COL28A1: variants seen among roughly 807,000 people sequenced by gnomAD.
COL28A1 encodes the protein collagen alpha-1(XXVIII) chain.
Under a neutral mutation model 150.2 loss-of-function variants are expected in COL28A1, and 161 were observed. That is an observed-to-expected ratio of 1.07 (90% CI 0.94 to 1.22). The LOEUF is 1.22. Among genes scored for constraint, COL28A1 ranks in the 50% most tolerant of loss-of-function variants. The probability of loss-of-function intolerance (pLI) is 0.00; values close to 1 mark genes in which losing one functional copy is unlikely to be tolerated. For synonymous variants in COL28A1, 552 were observed against 469.7 expected (o/e 1.18, Z -2.26); for missense variants, 1,617 against 1,388.3 (o/e 1.16, Z -2.62).
intron 14 of COL28A1, among the ~76,000 whole-genome samples, chr7:7,476,589 T>C (rs181870742): frequency 6.6e-6 from 1 of 152,238 alleles, no homozygotes; most frequent in South Asian, 2.1e-4. Context: ...CAACCTTTGG[T>C]GCAGAACAAC....
chr7:7,455,710 A>G (rs997671376), intron 16 of COL28A1, among the ~76,000 whole-genome samples: 1 of 152,238 alleles, frequency 6.6e-6, no homozygotes, highest in Admixed American at 6.5e-5. Flanking sequence ...TCAAGGAGAA[A>G]AAAATACACA....
At chr7:7,444,570 T>C (rs977598801) in intron 18 of COL28A1, 81 bp from the exon 19 acceptor site, 1 of 1,383,624 alleles carries the variant, frequency 7.2e-7, no homozygotes, top group East Asian at 2.3e-5. Flanking sequence ...TATCTTACAG[T>C]GTCTGAGAAA....
downstream of COL28A1, among the ~76,000 whole-genome samples, chr7:7,354,112 G>A (rs944395021): frequency 1.3e-5 from 2 of 151,714 alleles, no homozygotes; most frequent in African/African-American, 4.8e-5. Flanking sequence ...CCCACCTCAG[G>A]CTCCCAAGTA....
intron 27 of COL28A1, among the ~76,000 whole-genome samples, chr7:7,392,399 C>T (rs936426072): frequency 6.6e-6 from 1 of 152,126 alleles, no homozygotes; most frequent in Non-Finnish European, 1.5e-5. Context: ...CTCTGGCTGC[C>T]CTTAACATTT....
intron 4 of COL28A1, 59 bp from the exon 5 acceptor site, chr7:7,522,020 T>A: frequency 1.2e-6 from 1 of 830,558 alleles, no homozygotes; most frequent in South Asian, 1.3e-5. Context: ...GTATGCAGCA[T>A]TTCAAATTGT....
chr7:7,408,529 G>T (rs1460711606), intron 27 of COL28A1, among the ~76,000 whole-genome samples: 1 of 152,138 alleles, frequency 6.6e-6, no homozygotes, highest in Non-Finnish European at 1.5e-5. Context: ...GAGGATTGCA[G>T]TACAAAAATA....
At chr7:7,523,178 TA>T in intron 4 of COL28A1, among the ~76,000 whole-genome samples, 1 of 12,482 alleles carries the variant, frequency 8.0e-5, no homozygotes, top group Non-Finnish European at 1.2e-4. Context: ...TTTTTTTTTT[TA>T]AACGGGAGTC....
At chr7:7,450,718 A>T (rs1185461567) in intron 18 of COL28A1, among the ~76,000 whole-genome samples, 1 of 152,230 alleles carries the variant, frequency 6.6e-6, no homozygotes, top group East Asian at 1.9e-4. Context: ...GTGCAAAAGG[A>T]AACAGAATGT....
chr7:7,436,934 T>C (rs115583759), intron 22 of COL28A1, among the ~76,000 whole-genome samples: 7,857 of 152,116 alleles, frequency 0.052, 709 homozygotes, highest in African/African-American at 0.18. Context: ...GCTATTTGGG[T>C]GGCTGAGGCA....
intron 33 of COL28A1, among the ~76,000 whole-genome samples, chr7:7,369,934 T>C (rs932133177): frequency 2.0e-5 from 3 of 152,082 alleles, no homozygotes; most frequent in African/African-American, 7.2e-5. Context: ...AGGATGTCCA[T>C]GGGGTTAATA....
the COL28A1 span, among the ~76,000 whole-genome samples, chr7:7,543,259 G>C: frequency 1.3e-5 from 2 of 152,086 alleles, no homozygotes; most frequent in African/African-American, 4.8e-5. Flanking sequence ...TCCTCTTCTT[G>C]AACAAGTAAG....
At chr7:7,395,466 GCTAA>G (rs1438970404) in intron 27 of COL28A1, among the ~76,000 whole-genome samples, 12 of 152,192 alleles carry the variant, frequency 7.9e-5, no homozygotes, top group East Asian at 1.9e-4. Context: ...ACGAAAAATG[GCTAA>G]CTAAGGCCAA....
intron 27 of COL28A1, among the ~76,000 whole-genome samples, chr7:7,398,793 G>T (rs1274072290): frequency 6.6e-6 from 1 of 152,160 alleles, no homozygotes; most frequent in Non-Finnish European, 1.5e-5. Flanking sequence ...AGACAAGGAT[G>T]TCTCGAATGC....
intron 11 of COL28A1, 102 bp downstream of exon 11, chr7:7,505,912 T>C: frequency 1.3e-6 from 1 of 762,970 alleles, no homozygotes; most frequent in Non-Finnish European, 2.4e-6. Context: ...CCAAAGGTAC[T>C]TCCTCAAAGA....
Position 7,531,504 on chromosome 7 carries a change from A to G in COL28A1, c.525T>C (p.Ser175=). The G allele has an allele frequency of 6.2e-7, 1 of 1,612,166 alleles. No homozygotes were observed. The highest frequency in any genetic ancestry group is 1.1e-5 in the South Asian group (1 of 90,962). ...ATATTCCTGAAATTCTGGCATCTTC[A>G]GAAATACTTTGAACATCTGGATTCT... ...HPKNPDVQSI[S]EDARISGISF... is the part of the protein sequence containing the mutation. The change falls in exon 3 of 35, where the codon TCT becomes TCC. Residue 175 remains serine (S), a synonymous_variant. Transcript: ENST00000399429.
At chr7:7,428,226 G>A (rs1784751862) in intron 25 of COL28A1, among the ~76,000 whole-genome samples, 1 of 152,132 alleles carries the variant, frequency 6.6e-6, no homozygotes, top group African/African-American at 2.4e-5. Flanking sequence ...TGGTTAAGAG[G>A]TCCTAACCCC....
In COL28A1 at chr7:7,516,958, G is replaced by T. The variant is rs1211500318; in HGVS notation, c.855+838C>A. ...AACTTCCAAATGTGTGGTCAATGAG[G>T]AATAGAAGATAAACGTAGAATTCTC... On this transcript the variant is annotated intron_variant, in intron 7 of 34. Transcript: ENST00000399429. 5.3e-5 allele frequency among the ~76,000 whole-genome samples: 8 copies of T among 152,026 alleles called. No individual in the cohort carries two copies. The East Asian group carries it at 1.5e-3, about 29-fold the overall frequency.
At chr7:7,493,376 T>C (rs1780032136) in intron 11 of COL28A1, among the ~76,000 whole-genome samples, 1 of 152,126 alleles carries the variant, frequency 6.6e-6, no homozygotes, top group South Asian at 2.1e-4. Flanking sequence ...TTGAAATGTA[T>C]GGATCAGGAG....
chr7:7,404,663 T>G (rs1007616954), intron 27 of COL28A1, among the ~76,000 whole-genome samples: 2 of 152,088 alleles, frequency 1.3e-5, no homozygotes, highest in Non-Finnish European at 2.9e-5. Context: ...TCCACTAAAA[T>G]TACATCACAC....
Sources: allele counts gnomAD v4.1 joint callset (sites outside exome capture counted in the v4.1 genomes callset), GRCh38; gene constraint gnomAD v4.1.1; transcripts MANE v1.5; gene names NCBI Gene and HGNC (gene_info 2026-07-23, HGNC 2026-07-21).